Variants in SLC25A45 observed in about 807,000 individuals in gnomAD.
SLC25A45 encodes methylated amino-acid transporter SLC25A45.
Under a neutral mutation model 23.0 loss-of-function variants are expected in SLC25A45, and 22 were observed. The ratio of observed to expected loss-of-function variants is 0.95; its 90% CI spans 0.68 to 1.36. The LOEUF (loss-of-function observed/expected upper bound fraction) is 1.36. Among genes scored for constraint, SLC25A45 ranks in the 40% most tolerant of loss-of-function variants. The probability of loss-of-function intolerance (pLI) is 0.00; values close to 1 mark genes in which losing one functional copy is unlikely to be tolerated. For synonymous variants in SLC25A45, 136 were observed against 155.0 expected, an observed-to-expected ratio of 0.88 and a Z score of 0.91; for missense variants, 355 against 383.5, an observed-to-expected ratio of 0.93 and a Z score of 0.62.
intron 4 of SLC25A45, 93 bp from the exon 5 acceptor site, chr11:65,379,654 G>T (rs560466603): frequency 1.4e-6 from 2 of 1,384,606 alleles, no homozygotes; most frequent in African/African-American, 2.9e-5. Context: ...GCTGGAAACT[G>T]CTCCCAAGTC....
In SLC25A45 at chr11:65,379,508, G is replaced by C. The variant is rs1855426767; in HGVS notation, c.207C>G (p.Val69=). ...TATAGACCCCAAACAGGACAGAGTT[G>C]ACCACAGCTATGCTGGCAATGGGGA... ...MSFPIASIAV[V]NSVLFGVYSN... Residue 69 remains valine (V), a synonymous_variant, in exon 5 of 7, where the codon GTC becomes GTG. Coordinates refer to ENST00000398802, the MANE Select transcript of SLC25A45 (RefSeq NM_182556.4). 8 of 1,613,908 alleles carry C rather than the reference G, an allele frequency of 5.0e-6. No homozygotes were observed. The highest frequency in any genetic ancestry group is 6.8e-6 in the Non-Finnish European group (8 of 1,179,838).
In SLC25A45 at chr11:65,379,230, C is replaced by T. The variant is rs1590632210; in HGVS notation, c.339+146G>A. On this transcript the variant is annotated intron_variant, in intron 5 of 6. Transcript: ENST00000398802. ...ACAGCCCTCCCCCAGAGGCCTGCAG[C>T]CTGGAAGGCCATAGCACAGGCCTCT... 3 of 893,612 alleles carry T rather than the reference C, an allele frequency of 3.4e-6. No homozygotes were observed. In the South Asian group the frequency reaches 5.0e-5, roughly 15 times the overall value. 55.4% of individuals were successfully genotyped at this position (893,612 alleles called of 1,614,324 possible).
Position 65,376,140 on chromosome 11 carries a change from C to A in SLC25A45, c.*267G>T. Reference sequence around the variant, plus strand: ...GCTGGGATGTCACCAGCACCACTTGCCAGCTCACTTGTGCCTCATGCTCCC... The same window carrying A: ...GCTGGGATGTCACCAGCACCACTTGACAGCTCACTTGTGCCTCATGCTCCC... On this transcript the variant is annotated 3_prime_UTR_variant, in exon 7 of 7. Coordinates refer to ENST00000398802, the MANE Select transcript of SLC25A45 (RefSeq NM_182556.4). 1.8e-6 allele frequency: 1 copy of A among 553,522 alleles called. No individual in the cohort carries two copies. The highest frequency in any genetic ancestry group is 3.2e-6 in the Non-Finnish European group (1 of 309,804). The allele number at this position is 553,522 out of a possible 1,614,324, so 34.3% of individuals were successfully genotyped here.
chr11:65,376,675 C>A lies in SLC25A45; in HGVS notation c.599G>T (p.Ser200Ile). The change falls in exon 7 of 7, where the codon AGC becomes ATC. Residue 200 changes from serine to isoleucine, a missense_variant and splice_region_variant. By Grantham distance (142) the Ser-to-Ile change is moderately radical. Transcript: ENST00000398802. ...CCCTGCCACCAGCACCGTGGCTGAG[C>A]CTGGGGCAGAGAGAGCCCAGAGCAG... ...RQYTPEGQNP[S>I]SATVLVAGGF... The A allele has an allele frequency of 1.2e-6, 2 of 1,613,770 alleles. No individual in the cohort carries two copies. The highest frequency in any genetic ancestry group is 1.7e-6 in the Non-Finnish European group (2 of 1,179,808).
chr11:65,379,990 C>T (rs1855462268), intron 3 of SLC25A45, 52 bp from the exon 4 acceptor site: 2 of 1,607,302 alleles, frequency 1.2e-6, no homozygotes, highest in East Asian at 4.5e-5. Flanking sequence ...GGTGGGCCAA[C>T]CTTTCCCTCT....
chr11:65,378,239 CAGA>C (rs1258401476), intron 5 of SLC25A45: 1 of 152,212 alleles, frequency 6.6e-6, no homozygotes, highest in African/African-American at 2.4e-5. Flanking sequence ...GATGCCATTT[CAGA>C]AGGTCAGCTT....
At chr11:65,377,742 T>C (rs575066109) in intron 5 of SLC25A45, 1 of 152,386 alleles carries the variant, frequency 6.6e-6, no homozygotes, top group African/African-American at 2.4e-5. Context: ...GGAGTCCTGG[T>C]GAGGGTCAGT....
intron 5 of SLC25A45, chr11:65,378,979 C>G (rs1855373308): frequency 4.3e-6 from 1 of 231,384 alleles, no homozygotes; most frequent in African/African-American, 2.4e-5. Context: ...AGGACCTCAT[C>G]AGGACCCGGC....
chr11:65,380,532 A>T (rs1011382001), intron 2 of SLC25A45: 1 of 1,372,848 alleles, frequency 7.3e-7, no homozygotes, highest in African/African-American at 1.5e-5. Context: ...CCAGGTTCCC[A>T]CCTCTCCGAG....
Position 65,382,582 on chromosome 11 carries a change from G to T in SLC25A45, c.-115C>A, listed in dbSNP as rs1194091892. 1 of 155,056 alleles carries T rather than the reference G, an allele frequency of 6.4e-6. No individual in the cohort carries two copies. Among genetic ancestry groups the T allele is most frequent in the Non-Finnish European group, 1.4e-5 (1 of 69,364 alleles). 9.6% of individuals were successfully genotyped at this position (155,056 alleles called of 1,614,324 possible). A position where few individuals can be genotyped will look rare whatever the true frequency, so the allele number is the denominator to read the frequency against. On this transcript the variant is annotated 5_prime_UTR_variant, in exon 1 of 7. Transcript: ENST00000398802. This position sits in a 1 kb window ranked among gnomAD's most constrained non-coding sequence, Gnocchi z 4.4. ...TTCCTCGGCTTCCTCCTTCCCAGGGGAAAGATAGGGGTTTTGATTATTTAA... is the reference window on the plus strand; with the variant it reads ...TTCCTCGGCTTCCTCCTTCCCAGGGTAAAGATAGGGGTTTTGATTATTTAA...
chr11:65,380,029 G>A, intron 3 of SLC25A45, 91 bp from the exon 4 acceptor site: 1 of 1,585,488 alleles, frequency 6.3e-7, no homozygotes, highest in Non-Finnish European at 8.7e-7. Context: ...CCAACCAGCA[G>A]GAGAGGCAGG....
At position 65,382,378 on chromosome 11, in the gene SLC25A45, CAGAG is replaced by C. The variant is rs1855619398; in HGVS notation, c.-19+104_-19+107del. ...AAGGGGCATGGCCGCCCCCATGCCACAGAGAGAGGCCGGGTGCGGAGGTAGCGTG... is the reference window on the plus strand; with the variant it reads ...AAGGGGCATGGCCGCCCCCATGCCACAGAGGCCGGGTGCGGAGGTAGCGTG... On this transcript the variant is annotated intron_variant, in intron 1 of 6. Transcript: ENST00000398802. This position sits in a 1 kb window ranked among gnomAD's most constrained non-coding sequence, Gnocchi z 4.4. 9.5e-6 allele frequency: 2 copies of C among 211,606 alleles called. No individual in the cohort carries two copies. Among genetic ancestry groups the C allele is most frequent in the Admixed American group, 1.0e-4 (2 of 19,598 alleles). 13.1% of individuals were successfully genotyped at this position (211,606 alleles called of 1,614,324 possible).
Position 65,379,940 on chromosome 11 carries a change from T to A in SLC25A45, c.82-2A>T. 6.2e-7 allele frequency: 1 copy of A among 1,614,158 alleles called. No homozygotes were observed. On this transcript the variant is annotated splice_acceptor_variant, in intron 3 of 6. Transcript: ENST00000398802. LOFTEE classifies it high-confidence loss of function. ...GGTGGTCTGGGTCTGCAGCCTCACC[T>A]GGGTGGGAGGACAGAGCAGGTAGGG... is the stretch of plus-strand genomic sequence containing the variant.
chr11:65,376,368 C>T lies in SLC25A45; in HGVS notation c.*39G>A, dbSNP rs1407759880. Reference sequence around the variant, plus strand: ...TCCAATCTCAAACTGGCCTCCAGGCCGTGGGCCTGATGGGGAGCTGCTGGC... The same window carrying T: ...TCCAATCTCAAACTGGCCTCCAGGCTGTGGGCCTGATGGGGAGCTGCTGGC... On this transcript the variant is annotated 3_prime_UTR_variant, in exon 7 of 7. Transcript: ENST00000398802. 1.3e-5 allele frequency: 21 copies of T among 1,601,264 alleles called. No homozygotes were observed. Among genetic ancestry groups the T allele is most frequent in the African/African-American group, 2.7e-5 (2 of 74,716 alleles).
chr11:65,376,001 C>A lies in SLC25A45; in HGVS notation c.*406G>T, dbSNP rs186432327. The A allele has an allele frequency of 5.3e-5, 9 of 170,444 alleles. No homozygotes were observed. The South Asian group carries it at 9.4e-4, about 18-fold the overall frequency. The allele number at this position is 170,444 out of a possible 1,614,324, so 10.6% of individuals were successfully genotyped here. ...TGCTTGAACCCGGAAGGTGGAAAGGCGGAGGTTGCAGTGAGCCGAGATCAC... is the reference window on the plus strand; with the variant it reads ...TGCTTGAACCCGGAAGGTGGAAAGGAGGAGGTTGCAGTGAGCCGAGATCAC... On this transcript the variant is annotated 3_prime_UTR_variant, in exon 7 of 7. Coordinates refer to ENST00000398802, the MANE Select transcript of SLC25A45 (RefSeq NM_182556.4).
At position 65,381,834 on chromosome 11, in the gene SLC25A45, G is replaced by T. The variant is rs1185888539; in HGVS notation, c.37+81C>A. On this transcript the variant is annotated intron_variant, in intron 2 of 6. Transcript: ENST00000398802. ...GGCCGGAACTCAGACTTTGGTCTCT[G>T]CTCCTCCCATGTCACCCATCTTCCC... 3 of 1,572,076 alleles carry T rather than the reference G, an allele frequency of 1.9e-6. No individual in the cohort carries two copies. In the Admixed American group the frequency reaches 5.0e-5, roughly 26 times the overall value.
chr11:65,379,390 C>G lies in SLC25A45; in HGVS notation c.325G>C (p.Gly109Arg). Residue 109 changes from glycine to arginine, a missense_variant, in exon 5 of 7, where the codon GGG becomes CGG. Gly to Arg is a moderately radical substitution (Grantham distance 125). Coordinates refer to ENST00000398802, the MANE Select transcript of SLC25A45 (RefSeq NM_182556.4). ...TGCCCCCTCACCTGCAGGAACCCCC[C>G]GGTGCAGCCCGCTAGGAAGATGTGC... is the stretch of plus-strand genomic sequence containing the variant. ...YMHIFLAGCT[G>R]GFLQAYCLAP... 3.7e-6 allele frequency: 6 copies of G among 1,610,244 alleles called. No homozygotes were observed. The highest frequency in any genetic ancestry group is 5.1e-6 in the Non-Finnish European group (6 of 1,179,906).
Position 65,377,266 on chromosome 11 carries a change from C to T in SLC25A45, c.340-190G>A, listed in dbSNP as rs1234799623. Reference sequence around the variant, plus strand: ...GATGTCTGCATGCGACCGGGACAGGCCACCTCCCTTGGCATCAGGCCCAAG... The same window carrying T: ...GATGTCTGCATGCGACCGGGACAGGTCACCTCCCTTGGCATCAGGCCCAAG... On this transcript the variant is annotated intron_variant, in intron 5 of 6. Transcript: ENST00000398802. The T allele has an allele frequency of 3.5e-6, 5 of 1,420,334 alleles. No homozygotes were observed. The Admixed American group carries it at 9.0e-5, about 26-fold the overall frequency. 88.0% of individuals were successfully genotyped at this position (1,420,334 alleles called of 1,614,324 possible).
chr11:65,377,178 C>T lies in SLC25A45; in HGVS notation c.340-102G>A, dbSNP rs565478509. The T allele has an allele frequency of 1.7e-4, 258 of 1,478,942 alleles. No individual in the cohort carries two copies. In the African/African-American group the frequency reaches 2.9e-3, roughly 17 times the overall value. The allele number at this position is 1,478,942 out of a possible 1,614,324, so 91.6% of individuals were successfully genotyped here. A position where few individuals can be genotyped will look rare whatever the true frequency, so the allele number is the denominator to read the frequency against. ...GAGGCAGGCAGGGGGCCACATCTTC[C>T]AGTCCCTCAGGAACCCTGCCGGCAC... is the stretch of plus-strand genomic sequence containing the variant. On this transcript the variant is annotated intron_variant, in intron 5 of 6. Coordinates refer to ENST00000398802, the MANE Select transcript of SLC25A45 (RefSeq NM_182556.4).
Sources: gnomAD v4.1 joint callset for allele counts on GRCh38, gnomAD v4.1.1 for gene constraint, Gnocchi (gnomAD v3.1) non-coding constraint, MANE v1.5 for transcripts, NCBI Gene and HGNC (gene_info 2026-07-23, HGNC 2026-07-21) for gene names.